The following TRAPPC9 variants were observed in gnomAD, a reference collection of about 807,000 sequenced individuals.
TRAPPC9 encodes the protein trafficking protein particle complex subunit 9, also known as IKK2 binding protein.
TRAPPC9 carries 83 observed loss-of-function variants against 124.0 expected under a neutral mutation model. The ratio of observed to expected loss-of-function variants is 0.67; its 90% CI spans 0.56 to 0.80. TRAPPC9 has a LOEUF of 0.80. Ranked by LOEUF, TRAPPC9 falls within the 30% of genes least tolerant of loss-of-function variation. TRAPPC9 has a pLI of 0.00. For synonymous variants in TRAPPC9, 638 were observed against 617.5 expected (o/e 1.03, Z -0.49); for missense variants, 1,302 against 1,508.3 (o/e 0.86, Z 2.27).
intron 5 of TRAPPC9, among the ~76,000 whole-genome samples, chr8:140,406,696 A>C (rs2069504463): frequency 6.6e-6 from 1 of 152,232 alleles, no homozygotes; most frequent in Admixed American, 6.5e-5. Flanking sequence ...GAGAACTCTA[A>C]GAAAAGGAGA....
intron 21 of TRAPPC9, among the ~76,000 whole-genome samples, chr8:139,823,120 A>G (rs1187136440): frequency 1.3e-5 from 2 of 152,046 alleles, no homozygotes; most frequent in East Asian, 1.9e-4. Flanking sequence ...TTCCACATAC[A>G]ACCACACTGG....
chr8:139,757,242 G>T, intron 21 of TRAPPC9, among the ~76,000 whole-genome samples: 1 of 136,514 alleles, frequency 7.3e-6, no homozygotes, highest in South Asian at 2.5e-4. Context: ...CGCAGGAGGA[G>T]CCAGGGATGG....
chr8:139,908,480 C>T (rs1831503476), intron 20 of TRAPPC9: 2 of 152,306 alleles, frequency 1.3e-5, no homozygotes, highest in Non-Finnish European at 2.9e-5. Flanking sequence ...CAGAAAGACC[C>T]AAGACCCAGC....
At chr8:140,441,086 CT>C (rs1019227563) in intron 2 of TRAPPC9, among the ~76,000 whole-genome samples, 25 of 148,864 alleles carry the variant, frequency 1.7e-4, no homozygotes, top group Middle Eastern at 3.6e-3. Flanking sequence ...TCAAGAGATC[CT>C]CCCACCTCAG....
intron 21 of TRAPPC9, among the ~76,000 whole-genome samples, chr8:139,860,058 G>A (rs1253282801): frequency 1.3e-5 from 2 of 152,234 alleles, no homozygotes; most frequent in East Asian, 3.8e-4. Context: ...AGCTTTGTGA[G>A]AACAGGTCAT....
At chr8:139,897,869 G>C (rs1400849227) in intron 20 of TRAPPC9, among the ~76,000 whole-genome samples, 2 of 152,364 alleles carry the variant, frequency 1.3e-5, no homozygotes, top group South Asian at 4.1e-4. Flanking sequence ...CAGCACTAAA[G>C]ACACAGAGAC....
chr8:140,174,226 TGGAGGGTGGGAGGAG>T (rs1258053720), intron 17 of TRAPPC9, among the ~76,000 whole-genome samples: 2 of 151,842 alleles, frequency 1.3e-5, no homozygotes, highest in East Asian at 3.9e-4. Context: ...TCTTGGAGGA[TGGAGGGTGGGAGGAG>T]GGAGAGAAGC....
At chr8:140,268,565 G>A (rs1304431636) in intron 15 of TRAPPC9, among the ~76,000 whole-genome samples, 1 of 152,170 alleles carries the variant, frequency 6.6e-6, no homozygotes, top group Non-Finnish European at 1.5e-5. Context: ...CATGATTACA[G>A]GTAAAGTCAC....
intron 5 of TRAPPC9, among the ~76,000 whole-genome samples, chr8:140,423,931 T>A (rs1019700589): frequency 6.6e-6 from 1 of 151,978 alleles, no homozygotes; most frequent in African/African-American, 2.4e-5. Flanking sequence ...AGGCAAATAA[T>A]AGAGAAAGAA....
At chr8:140,310,301 C>T (rs1451020393) in intron 10 of TRAPPC9, among the ~76,000 whole-genome samples, 2 of 152,168 alleles carry the variant, frequency 1.3e-5, no homozygotes, top group Non-Finnish European at 2.9e-5. Context: ...AAAGCGAGTA[C>T]ATGGCAAGAC....
intron 17 of TRAPPC9, among the ~76,000 whole-genome samples, chr8:140,133,808 G>C (rs146874956): frequency 6.6e-6 from 1 of 151,230 alleles, no homozygotes; most frequent in African/African-American, 2.4e-5. Context: ...ATTTAAAATA[G>C]TATATGGAAT....
intron 17 of TRAPPC9, among the ~76,000 whole-genome samples, chr8:140,029,430 G>A (rs987485161): frequency 1.6e-4 from 25 of 152,134 alleles, no homozygotes; most frequent in Admixed American, 1.5e-3. Context: ...ATTTGAACCC[G>A]GGAGGTGGAG....
At chr8:140,317,544 G>A (rs2066472164) in intron 9 of TRAPPC9, among the ~76,000 whole-genome samples, 1 of 152,118 alleles carries the variant, frequency 6.6e-6, no homozygotes, top group Non-Finnish European at 1.5e-5. Flanking sequence ...CTTTGCTACT[G>A]GATTCTCATG....
chr8:140,169,421 A>T (rs986071555), intron 17 of TRAPPC9, among the ~76,000 whole-genome samples: 7 of 152,206 alleles, frequency 4.6e-5, no homozygotes, highest in Non-Finnish European at 1.0e-4. Context: ...CAGCAATTCC[A>T]CGGAGAGGTA....
chr8:139,845,316 A>G lies in TRAPPC9; in HGVS notation c.3055+40563T>C, dbSNP rs192829108. ...AGGCTGGCAGTCAATAGAGGCACAA[A>G]CTCTCGCCTGTGCTCCACTGCATTC... is the stretch of plus-strand genomic sequence containing the variant. On this transcript the variant is annotated intron_variant, in intron 21 of 22. Coordinates refer to ENST00000438773, the MANE Select transcript of TRAPPC9 (RefSeq NM_001160372.4). Among the ~76,000 whole-genome samples, 63 of 152,028 alleles carry G rather than the reference A, an allele frequency of 4.1e-4. 1 individual carries two copies. Among genetic ancestry groups the G allele is most frequent in the Admixed American group, 1.2e-3 (18 of 15,274 alleles).
At chr8:139,811,163 TA>T (rs1248185018) in intron 21 of TRAPPC9, among the ~76,000 whole-genome samples, 1 of 151,976 alleles carries the variant, frequency 6.6e-6, no homozygotes, top group African/African-American at 2.4e-5. Flanking sequence ...CAAGGTTCTA[TA>T]AAAAGGAACT....
chr8:139,761,166 C>T (rs901794864), intron 21 of TRAPPC9, among the ~76,000 whole-genome samples: 1 of 152,164 alleles, frequency 6.6e-6, no homozygotes, highest in Non-Finnish European at 1.5e-5. Context: ...ATGTCAGGTC[C>T]CTGAACCACG....
intron 21 of TRAPPC9, among the ~76,000 whole-genome samples, chr8:139,797,805 C>T (rs528632091): frequency 2.0e-5 from 3 of 152,262 alleles, no homozygotes; most frequent in South Asian, 2.1e-4. Context: ...ATCGCTTGGC[C>T]GTAAATGCAA....
At chr8:140,396,500 G>A (rs186178996) in intron 7 of TRAPPC9, among the ~76,000 whole-genome samples, 3 of 151,770 alleles carry the variant, frequency 2.0e-5, no homozygotes, top group African/African-American at 7.2e-5. Flanking sequence ...TCACCTGGCC[G>A]AGAAAGCCCT....
Sources: allele counts gnomAD v4.1 joint callset (sites outside exome capture counted in the v4.1 genomes callset), GRCh38; gene constraint gnomAD v4.1.1; transcripts MANE v1.5; gene names NCBI Gene and HGNC (gene_info 2026-07-23, HGNC 2026-07-21).